Variants in TSHZ3 observed in about 807,000 individuals in gnomAD.
The protein encoded by TSHZ3 is teashirt zinc finger homeobox 3.
Under a neutral mutation model 64.5 loss-of-function variants are expected in TSHZ3, and 10 were observed. The ratio of observed to expected loss-of-function variants is 0.16; its 90% confidence interval spans 0.10 to 0.26. TSHZ3 has a LOEUF of 0.26. Among genes scored for constraint, TSHZ3 ranks in the 10% least tolerant of loss-of-function variants. TSHZ3 has a pLI of 1.00. For synonymous variants in TSHZ3, 608 were observed against 593.1 expected, an observed-to-expected ratio of 1.03 and a Z score of -0.36; for missense variants, 1,242 against 1,421.7, an observed-to-expected ratio of 0.87 and a Z score of 2.03.
At chr19:31,182,258 C>T (rs190350998) in intron 5 of TSHZ3, among the ~76,000 whole-genome samples, 3 of 152,226 alleles carry the variant, frequency 2.0e-5, no homozygotes, top group Non-Finnish European at 2.9e-5. Flanking sequence ...ATTTCTGTAC[C>T]GATGCTGTGA....
At chr19:31,285,423 C>A (rs911509765) in intron 1 of TSHZ3, among the ~76,000 whole-genome samples, 2 of 148,182 alleles carry the variant, frequency 1.3e-5, no homozygotes, top group Non-Finnish European at 3.0e-5. Context: ...GAGGCTGCAG[C>A]GAGTTAGGAT....
At chr19:31,196,987 A>G (rs994308754) in intron 5 of TSHZ3, among the ~76,000 whole-genome samples, 2 of 152,018 alleles carry the variant, frequency 1.3e-5, no homozygotes, top group African/African-American at 4.8e-5. Context: ...AGACAGCTTC[A>G]TTTAGCAACC....
chr19:31,173,671 C>T (rs1195858383), intron 5 of TSHZ3, among the ~76,000 whole-genome samples: 1 of 152,192 alleles, frequency 6.6e-6, no homozygotes, highest in Non-Finnish European at 1.5e-5. Context: ...CTGGCTGTTT[C>T]TCCTCATCAG....
chr19:31,152,701 G>A (rs1220645682), intron 6 of TSHZ3, among the ~76,000 whole-genome samples: 1 of 152,108 alleles, frequency 6.6e-6, no homozygotes, highest in Non-Finnish European at 1.5e-5. Flanking sequence ...GAAAAATGCA[G>A]AATTTAACCA....
intron 1 of TSHZ3, among the ~76,000 whole-genome samples, chr19:31,324,536 G>A (rs1485316895): frequency 6.6e-6 from 1 of 152,226 alleles, no homozygotes; most frequent in East Asian, 1.9e-4. Context: ...CCAAAAGAAT[G>A]GGCAAGGGGC....
intron 5 of TSHZ3, among the ~76,000 whole-genome samples, chr19:31,194,086 A>C (rs1258122216): frequency 6.6e-6 from 1 of 152,188 alleles, no homozygotes; most frequent in Non-Finnish European, 1.5e-5. Context: ...ACTAGATAGA[A>C]ATTCATGAGC....
intron 4 of TSHZ3, among the ~76,000 whole-genome samples, chr19:31,208,378 A>G (rs1975214935): frequency 6.6e-6 from 1 of 152,178 alleles, no homozygotes; most frequent in Admixed American, 6.5e-5. Flanking sequence ...CTCCCAAGAA[A>G]GAGAGTCCAA....
At chr19:31,251,368 A>G (rs35301677) in intron 1 of TSHZ3, among the ~76,000 whole-genome samples, 52,639 of 152,098 alleles carry the variant, frequency 0.35, 13,368 homozygotes, top group African/African-American at 0.71. Context: ...CCTGCAAAGC[A>G]GAAGAGGTGG....
chr19:31,308,798 T>C (rs1487359505), intron 1 of TSHZ3: 2 of 397,558 alleles, frequency 5.0e-6, no homozygotes, highest in Non-Finnish European at 8.9e-6. Context: ...ATCCTAGAGA[T>C]AAGGAAGTGA....
At chr19:31,340,749 G>A (rs895311408) in intron 1 of TSHZ3, among the ~76,000 whole-genome samples, 4 of 152,194 alleles carry the variant, frequency 2.6e-5, no homozygotes, top group Non-Finnish European at 5.9e-5. Context: ...CCAGGCCCAG[G>A]GCCCAGACCC....
At chr19:31,186,642 T>A (rs1238090247) in intron 5 of TSHZ3, among the ~76,000 whole-genome samples, 1 of 152,244 alleles carries the variant, frequency 6.6e-6, no homozygotes, top group Non-Finnish European at 1.5e-5. Flanking sequence ...AAACTGTTTT[T>A]CAATTTGGTT....
intron 5 of TSHZ3, among the ~76,000 whole-genome samples, chr19:31,197,952 C>G (rs1975016006): frequency 6.6e-6 from 1 of 151,944 alleles, no homozygotes; most frequent in Non-Finnish European, 1.5e-5. Context: ...TTCTGAGCAG[C>G]CCGCATTACA....
At chr19:31,241,345 C>T (rs186732379) in intron 3 of TSHZ3, among the ~76,000 whole-genome samples, 2 of 152,230 alleles carry the variant, frequency 1.3e-5, no homozygotes, top group East Asian at 1.9e-4. Flanking sequence ...AGTTCTTATA[C>T]CTTAGACACA....
downstream of TSHZ3, among the ~76,000 whole-genome samples, chr19:31,273,541 G>A (rs1373567968): frequency 1.3e-5 from 2 of 152,316 alleles, no homozygotes; most frequent in Non-Finnish European, 2.9e-5. Context: ...GGGCCCTGGT[G>A]GTGATGGAAG....
intron 1 of TSHZ3, among the ~76,000 whole-genome samples, chr19:31,311,620 A>G (rs775801734): frequency 8.5e-5 from 13 of 152,190 alleles, no homozygotes; most frequent in Admixed American, 4.6e-4. Context: ...ATACTGATCA[A>G]TGCTCAGGGG....
In TSHZ3 at chr19:31,349,391, C is replaced by T. The variant is rs989283610; in HGVS notation, c.-172G>A. The T allele has an allele frequency of 8.4e-5, 40 of 478,236 alleles. No individual in the cohort carries two copies. The Admixed American group carries it at 9.6e-4, about 11-fold the overall frequency. The allele number at this position is 478,236 out of a possible 1,614,324, so 29.6% of individuals were successfully genotyped here. On this transcript the variant is annotated 5_prime_UTR_variant, in exon 1 of 2. Coordinates refer to ENST00000240587, the MANE Select transcript of TSHZ3 (RefSeq NM_020856.4). ...TGCGCCCAGGCTCTCCGCGTCCCCC[C>T]CGCGCCGCGCTCCGCCGCGAACCCC...
chr19:31,277,567 A>C lies in TSHZ3; in HGVS notation c.2226T>G (p.Pro742=), dbSNP rs1274384633. 1 of 1,598,802 alleles carries C rather than the reference A, an allele frequency of 6.3e-7. No individual in the cohort carries two copies. Reference sequence around the variant, plus strand: ...AAAGCATGCTCATGGGGTCCAGGGCAGGCAGGGAGGGCTTGGCGGCCTTGC... The same window carrying C: ...AAAGCATGCTCATGGGGTCCAGGGCCGGCAGGGAGGGCTTGGCGGCCTTGC... ...HLGKAAKPSL[P]ALDPMSMLFK... is the part of the protein sequence containing the mutation. Residue 742 remains proline, a synonymous_variant, in exon 2 of 2, where the codon CCT becomes CCG. Transcript: ENST00000240587. This position sits in a 1 kb window ranked among gnomAD's most constrained non-coding sequence, Gnocchi z 4.5.
At chr19:31,177,953 C>T (rs2145122380) in intron 5 of TSHZ3, among the ~76,000 whole-genome samples, 1 of 152,298 alleles carries the variant, frequency 6.6e-6, no homozygotes. Flanking sequence ...GGCTTCCCCT[C>T]ATCTACTTTT....
chr19:31,253,032 C>T (rs997623990), intron 1 of TSHZ3, among the ~76,000 whole-genome samples: 2 of 152,216 alleles, frequency 1.3e-5, no homozygotes, highest in African/African-American at 4.8e-5. Context: ...TCTGCACATA[C>T]ATTTAGGTAA....
Sources: gnomAD v4.1 joint callset for allele counts (sites outside exome capture counted in the v4.1 genomes callset) on GRCh38, gnomAD v4.1.1 for gene constraint, Gnocchi (gnomAD v3.1) non-coding constraint, MANE v1.5 for transcripts, NCBI Gene and HGNC (gene_info 2026-07-23, HGNC 2026-07-21) for gene names.